The following STARD13 variants were observed in gnomAD, a reference collection of about 807,000 sequenced individuals.
STARD13 encodes stAR-related lipid transfer protein 13.
STARD13 carries 62 observed loss-of-function variants against 106.4 expected under a neutral mutation model. That is an observed-to-expected ratio of 0.58 (90% CI 0.48 to 0.72). STARD13 has a LOEUF of 0.72. Among genes scored for constraint, STARD13 ranks in the 30% least tolerant of loss-of-function variants. STARD13 has a pLI of 0.00. For synonymous variants in STARD13, 565 were observed against 553.0 expected (o/e 1.02, Z -0.31); for missense variants, 1,387 against 1,424.0 (o/e 0.97, Z 0.42).
At chr13:33,563,819 A>G in the STARD13 span, among the ~76,000 whole-genome samples, 1 of 147,518 alleles carries the variant, frequency 6.8e-6, no homozygotes, top group Non-Finnish European at 1.5e-5. Context: ...TTTGTAAACT[A>G]TCCATCAACA....
the STARD13 span, among the ~76,000 whole-genome samples, chr13:33,408,402 T>C: frequency 2.6e-5 from 4 of 152,056 alleles, no homozygotes; most frequent in African/African-American, 4.8e-5. Context: ...AGTGGAGTCA[T>C]ACAGTATTCA....
At chr13:33,245,421 G>C (rs557666764) in intron 1 of STARD13, among the ~76,000 whole-genome samples, 1 of 152,188 alleles carries the variant, frequency 6.6e-6, no homozygotes, top group Non-Finnish European at 1.5e-5. Flanking sequence ...TTTGGGAAGA[G>C]AACAACTTCT....
chr13:33,122,170 T>C (rs1876435378), intron 7 of STARD13, among the ~76,000 whole-genome samples: 1 of 152,052 alleles, frequency 6.6e-6, no homozygotes, highest in African/African-American at 2.4e-5. Flanking sequence ...TTAGCAGAGA[T>C]GGTGTTTCAC....
At chr13:33,230,455 C>T (rs1255727984) in intron 1 of STARD13, among the ~76,000 whole-genome samples, 1 of 152,198 alleles carries the variant, frequency 6.6e-6, no homozygotes, top group East Asian at 1.9e-4. Context: ...CATTACTTTG[C>T]CCAGCCCTTT....
chr13:33,105,662 T>C lies in STARD13; in HGVS notation c.3273A>G (p.Ala1091=), dbSNP rs149865098. Reference sequence around the variant, plus strand: ...AGTTTCTAATCCTGGCAACTTCTGCTGCACACAGATGTCCAAAGCCTTTGC... The same window carrying C: ...AGTTTCTAATCCTGGCAACTTCTGCCGCACACAGATGTCCAAAGCCTTTGC... ...WYSKGFGHLC[A]AEVARIRNSF... Residue 1091 remains alanine (A), a synonymous_variant, in exon 14 of 14, where the codon GCA becomes GCG. Coordinates refer to ENST00000336934, the MANE Select transcript of STARD13 (RefSeq NM_178006.4). The C allele has an allele frequency of 4.0e-4, 648 of 1,614,260 alleles. 4 individuals are homozygous for C. The highest frequency in any genetic ancestry group is 2.5e-3 in the South Asian group (225 of 91,086).
intron 1 of STARD13, among the ~76,000 whole-genome samples, chr13:33,214,689 CAT>C (rs1221051802): frequency 2.4e-5 from 3 of 123,730 alleles, no homozygotes; most frequent in East Asian, 4.9e-4. Context: ...TACACACACA[CAT>C]GCACACATAC....
At chr13:33,202,999 G>A (rs191342759) in intron 1 of STARD13, among the ~76,000 whole-genome samples, 5 of 152,218 alleles carry the variant, frequency 3.3e-5, no homozygotes, top group South Asian at 2.1e-4. Flanking sequence ...AGAAGTTGTC[G>A]AAGTTCAATT....
intron 1 of STARD13, among the ~76,000 whole-genome samples, chr13:33,255,107 C>G (rs181080424): frequency 0.16 from 23,491 of 151,112 alleles, 2,019 homozygotes; most frequent in Non-Finnish European, 0.19. Flanking sequence ...CTCCCCCCCC[C>G]CTCAGAGGCT....
chr13:33,157,145 A>G (rs1882076038), intron 3 of STARD13, among the ~76,000 whole-genome samples: 1 of 151,812 alleles, frequency 6.6e-6, no homozygotes, highest in African/African-American at 2.4e-5. Context: ...TGTAGATACC[A>G]TTTTTGTCAA....
the STARD13 span, among the ~76,000 whole-genome samples, chr13:33,461,491 C>T: frequency 6.6e-6 from 1 of 152,144 alleles, no homozygotes; most frequent in Non-Finnish European, 1.5e-5. Flanking sequence ...GATAAGGGTT[C>T]CTCAGTGGGG....
chr13:33,612,503 G>A, the STARD13 span, among the ~76,000 whole-genome samples: 1 of 152,074 alleles, frequency 6.6e-6, no homozygotes, highest in Non-Finnish European at 1.5e-5. Context: ...ACAGCCTCCT[G>A]GAAGCCCCTA....
intron 1 of STARD13, among the ~76,000 whole-genome samples, chr13:33,202,930 C>G (rs976290900): frequency 1.3e-5 from 2 of 152,060 alleles, no homozygotes; most frequent in Non-Finnish European, 2.9e-5. Flanking sequence ...CTAAGAGAAG[C>G]CTTTGAATGA....
the STARD13 span, among the ~76,000 whole-genome samples, chr13:33,412,203 A>C: frequency 6.6e-6 from 1 of 152,206 alleles, no homozygotes; most frequent in African/African-American, 2.4e-5. Flanking sequence ...AAAATGGAGG[A>C]GAGGAAAGGG....
intron 1 of STARD13, among the ~76,000 whole-genome samples, chr13:33,216,683 A>C (rs750605395): frequency 1.1e-4 from 16 of 152,192 alleles, no homozygotes; most frequent in Non-Finnish European, 1.8e-4. Flanking sequence ...TCATGTAACC[A>C]AACACCGCCT....
chr13:33,299,382 T>G (rs1382688110), intron 1 of STARD13, among the ~76,000 whole-genome samples: 1 of 152,174 alleles, frequency 6.6e-6, no homozygotes, highest in African/African-American at 2.4e-5. Context: ...CATAAAGCAG[T>G]CTAAACACTT....
intron 1 of STARD13, among the ~76,000 whole-genome samples, chr13:33,227,392 C>T (rs959601353): frequency 6.6e-6 from 1 of 152,152 alleles, no homozygotes; most frequent in African/African-American, 2.4e-5. Flanking sequence ...ATATCAATAC[C>T]TTGAAAATAC....
chr13:33,233,454 A>T (rs1016735185), intron 1 of STARD13, among the ~76,000 whole-genome samples: 1 of 152,192 alleles, frequency 6.6e-6, no homozygotes, highest in African/African-American at 2.4e-5. Context: ...GGACAACCTG[A>T]CTTCAGGGAA....
the STARD13 span, among the ~76,000 whole-genome samples, chr13:33,421,684 C>T: frequency 1.3e-5 from 2 of 152,096 alleles, no homozygotes; most frequent in Admixed American, 6.6e-5. Flanking sequence ...AACATCGATG[C>T]GAAAATCCTC....
At chr13:33,570,032 G>A in the STARD13 span, among the ~76,000 whole-genome samples, 3 of 147,014 alleles carry the variant, frequency 2.0e-5, no homozygotes, top group Non-Finnish European at 4.5e-5. Flanking sequence ...TATTATCCAC[G>A]TAACCAAAGA....
Sources: gnomAD v4.1 joint callset for allele counts (sites outside exome capture counted in the v4.1 genomes callset) on GRCh38, gnomAD v4.1.1 for gene constraint, MANE v1.5 for transcripts, NCBI Gene and HGNC (gene_info 2026-07-23, HGNC 2026-07-21) for gene names.